Variants in C10orf67 observed in about 807,000 individuals in gnomAD.
C10orf67 encodes uncharacterized protein C10orf67, mitochondrial.
A neutral mutation model predicts 35.6 loss-of-function variants in C10orf67; 60 were observed. That is an observed-to-expected ratio of 1.68 (90% CI 1.37 to 2.09). The LOEUF is 2.09. Ranked by LOEUF, C10orf67 falls within the 30% of genes most tolerant of loss-of-function variation. C10orf67 has a pLI of 0.00. For missense variants in C10orf67, 474 were observed against 330.2 expected (o/e 1.44, Z -3.38); for synonymous variants, 167 against 115.8 (o/e 1.44, Z -2.84).
chr10:23,297,672 C>T (rs776314520), intron 5 of C10orf67, among the ~76,000 whole-genome samples: 16 of 152,192 alleles, frequency 1.1e-4, no homozygotes, highest in East Asian at 5.8e-4. Context: ...TCCCCCTGAG[C>T]GGCATAGGTT....
intron 15 of C10orf67, among the ~76,000 whole-genome samples, chr10:23,213,728 A>C (rs910024183): frequency 2.0e-5 from 3 of 152,220 alleles, no homozygotes; most frequent in Non-Finnish European, 4.4e-5. Context: ...CAGCTTTCAA[A>C]TCAGCATGGG....
intron 5 of C10orf67, among the ~76,000 whole-genome samples, chr10:23,297,318 C>T (rs1211981621): frequency 6.6e-6 from 1 of 151,974 alleles, no homozygotes; most frequent in Non-Finnish European, 1.5e-5. Flanking sequence ...GGTTTCTGTA[C>T]AGCCAATAAT....
In C10orf67 at chr10:23,277,752, T is replaced by C. The variant is rs527960713; in HGVS notation, c.975+4261A>G. On this transcript the variant is annotated intron_variant, in intron 8 of 15. Transcript: ENST00000636213. Reference sequence around the variant, plus strand: ...AATTTGATTCTGTTTTCCTTTCATATATGGTAAATATCAATAGATAAAACC... The same window carrying C: ...AATTTGATTCTGTTTTCCTTTCATACATGGTAAATATCAATAGATAAAACC... Among the ~76,000 whole-genome samples, 5 of 152,348 alleles carry C rather than the reference T, an allele frequency of 3.3e-5. No individual in the cohort carries two copies. The South Asian group carries it at 1.0e-3, about 32-fold the overall frequency.
chr10:23,286,436 A>G (rs1197766181), intron 7 of C10orf67, among the ~76,000 whole-genome samples: 2 of 22,992 alleles, frequency 8.7e-5, no homozygotes, highest in African/African-American at 1.9e-4. Flanking sequence ...GAGGGGAGGG[A>G]GGGGAGGTGA....
At chr10:23,206,384 G>C (rs1159503216) in intron 15 of C10orf67, among the ~76,000 whole-genome samples, 2 of 152,176 alleles carry the variant, frequency 1.3e-5, no homozygotes, top group Non-Finnish European at 2.9e-5. Flanking sequence ...ATGCATTTTT[G>C]TTGGCACCAC....
intron 12 of C10orf67, among the ~76,000 whole-genome samples, chr10:23,248,682 C>G (rs977268382): frequency 6.6e-6 from 1 of 152,100 alleles, no homozygotes; most frequent in African/African-American, 2.4e-5. Flanking sequence ...TATCACACCA[C>G]GATGAAGTAC....
At chr10:23,279,740 A>G (rs1323944142) in intron 8 of C10orf67, among the ~76,000 whole-genome samples, 1 of 152,074 alleles carries the variant, frequency 6.6e-6, no homozygotes, top group Non-Finnish European at 1.5e-5. Context: ...GCTTCCTCAA[A>G]AGCCATTCTA....
chr10:23,244,041 G>A (rs1285558499), intron 12 of C10orf67, among the ~76,000 whole-genome samples: 2 of 152,060 alleles, frequency 1.3e-5, no homozygotes, highest in South Asian at 2.1e-4. Context: ...ACAGGTGCAT[G>A]CCACGACACC....
intron 13 of C10orf67, among the ~76,000 whole-genome samples, chr10:23,225,943 CA>C (rs1157915920): frequency 3.3e-5 from 5 of 152,044 alleles, no homozygotes; most frequent in African/African-American, 1.2e-4. Context: ...ACCCCACTGT[CA>C]ACAAGAGACC....
At chr10:23,304,777 G>C (rs888462205) in intron 4 of C10orf67, among the ~76,000 whole-genome samples, 7 of 152,168 alleles carry the variant, frequency 4.6e-5, no homozygotes, top group Non-Finnish European at 8.8e-5. Context: ...ACACTCATCT[G>C]TGTGTCTGGT....
intron 4 of C10orf67, among the ~76,000 whole-genome samples, chr10:23,313,567 T>C (rs1844575710): frequency 1.3e-5 from 2 of 151,970 alleles, no homozygotes; most frequent in Non-Finnish European, 2.9e-5. Context: ...GCAGGAAGAG[T>C]CTAGTGGACA....
intron 10 of C10orf67, among the ~76,000 whole-genome samples, chr10:23,252,861 A>G (rs1842495008): frequency 6.6e-6 from 1 of 152,130 alleles, no homozygotes; most frequent in Admixed American, 6.5e-5. Context: ...CTGTGTCCCC[A>G]CCCAAATCTC....
chr10:23,284,114 TAAAA>T (rs71395837), intron 7 of C10orf67, among the ~76,000 whole-genome samples: 3 of 137,534 alleles, frequency 2.2e-5, no homozygotes, highest in Admixed American at 7.3e-5. Context: ...ATCCAGGGCT[TAAAA>T]AAAAAAAAAA....
chr10:23,202,647 C>A (rs1479752600), downstream of C10orf67: 2 of 152,174 alleles, frequency 1.3e-5, no homozygotes, highest in South Asian at 2.1e-4. Flanking sequence ...GCAATTTCTC[C>A]CAACCTGAAA....
intron 4 of C10orf67, among the ~76,000 whole-genome samples, chr10:23,305,085 A>G (rs777605488): frequency 6.6e-6 from 1 of 152,222 alleles, no homozygotes; most frequent in Non-Finnish European, 1.5e-5. Context: ...TAATGACTGG[A>G]GGAAGTGTCT....
chr10:23,267,973 TGAA>T (rs1459831771), intron 8 of C10orf67, among the ~76,000 whole-genome samples: 1 of 151,882 alleles, frequency 6.6e-6, no homozygotes, highest in Admixed American at 6.6e-5. Flanking sequence ...AATAACGTAA[TGAA>T]TGAAATTTTA....
At chr10:23,305,964 C>T (rs1054783160) in intron 4 of C10orf67, among the ~76,000 whole-genome samples, 16 of 135,776 alleles carry the variant, frequency 1.2e-4, no homozygotes, top group Middle Eastern at 3.5e-3. Flanking sequence ...ACGTTACATA[C>T]GCGCACACAC....
chr10:23,270,218 CCA>C (rs912574375), intron 8 of C10orf67, among the ~76,000 whole-genome samples: 4 of 152,208 alleles, frequency 2.6e-5, no homozygotes, highest in African/African-American at 7.2e-5. Context: ...ACAACCTGAC[CCA>C]CAGAGAATGA....
intron 2 of C10orf67, among the ~76,000 whole-genome samples, chr10:23,328,993 C>CAAAAAAAAAAAAAAAAAAAAAAAAAAAAA (rs57772405): frequency 2.5e-4 from 20 of 78,732 alleles, no homozygotes; most frequent in African/African-American, 3.4e-4. Context: ...CATAAACGAA[C>CAAAAAAAAAAAAAAAAAAAAAAAAAAAAA]AAAAAAAAAA....
Sources: gnomAD v4.1 joint callset for allele counts (sites outside exome capture counted in the v4.1 genomes callset) on GRCh38, gnomAD v4.1.1 for gene constraint, MANE v1.5 for transcripts, NCBI Gene and HGNC (gene_info 2026-07-23, HGNC 2026-07-21) for gene names.